RBFOX1: variants seen among roughly 807,000 people sequenced by gnomAD.
RBFOX1 encodes the protein RNA binding fox-1 homolog 1.
RBFOX1 carries 8 observed loss-of-function variants against 57.7 expected under a neutral mutation model. The ratio of observed to expected loss-of-function variants is 0.14; its 90% CI spans 0.08 to 0.25. RBFOX1 has a LOEUF of 0.25. RBFOX1 is among the 10% of genes least tolerant of loss of function. The pLI, the probability that RBFOX1 is intolerant of heterozygous loss-of-function variation, is 1.00. For synonymous variants in RBFOX1, 326 were observed against 222.4 expected (o/e 1.47, Z -4.15); for missense variants, 611 against 548.5 (o/e 1.11, Z -1.14).
At chr16:6,847,856 G>C (rs188786354) in intron 3 of RBFOX1, among the ~76,000 whole-genome samples, 14 of 152,038 alleles carry the variant, frequency 9.2e-5, no homozygotes, top group African/African-American at 3.4e-4. Context: ...GGTTGTTGTT[G>C]AAATGGAGTC....
intron 3 of RBFOX1, among the ~76,000 whole-genome samples, chr16:5,628,064 A>G (rs1596505439): frequency 6.6e-6 from 1 of 152,338 alleles, no homozygotes; most frequent in East Asian, 1.9e-4. Context: ...GTAAAGTAGT[A>G]TAAGGGTGAT....
chr16:7,190,246 C>G (rs1278279131), intron 4 of RBFOX1, among the ~76,000 whole-genome samples: 4 of 152,166 alleles, frequency 2.6e-5, no homozygotes, highest in African/African-American at 7.2e-5. Context: ...GTAATCCCAG[C>G]GACTCGGGAG....
intron 3 of RBFOX1, among the ~76,000 whole-genome samples, chr16:6,741,943 A>G (rs2072291372): frequency 6.6e-6 from 1 of 152,190 alleles, no homozygotes; most frequent in Admixed American, 6.5e-5. Flanking sequence ...GTAGTTAATA[A>G]TTCTGTATTA....
chr16:5,472,011 G>A (rs141739361), intron 2 of RBFOX1, among the ~76,000 whole-genome samples: 6 of 152,228 alleles, frequency 3.9e-5, no homozygotes, highest in African/African-American at 7.2e-5. Context: ...TTCAGATTGC[G>A]GTGGATTTAT....
At chr16:7,691,369 CAA>C (rs57950781) in intron 14 of RBFOX1, among the ~76,000 whole-genome samples, 1 of 111,666 alleles carries the variant, frequency 9.0e-6, no homozygotes. Context: ...CATAGGTTTT[CAA>C]AAAAAAAAAG....
chr16:6,838,742 T>C (rs2093284324), intron 3 of RBFOX1, among the ~76,000 whole-genome samples: 1 of 152,180 alleles, frequency 6.6e-6, no homozygotes, highest in Non-Finnish European at 1.5e-5. Context: ...TACATTTGCT[T>C]AGCATCCTCC....
chr16:7,348,803 G>A (rs546157078), intron 4 of RBFOX1, among the ~76,000 whole-genome samples: 1 of 152,212 alleles, frequency 6.6e-6, no homozygotes, highest in East Asian at 1.9e-4. Flanking sequence ...TTAGCCAGGG[G>A]TGGTGGCACG....
At chr16:6,496,938 C>T (rs964437163) in intron 2 of RBFOX1, among the ~76,000 whole-genome samples, 22 of 152,046 alleles carry the variant, frequency 1.4e-4, no homozygotes, top group African/African-American at 5.1e-4. Flanking sequence ...CCAGCCTGGG[C>T]AACAAGAGAG....
chr16:5,856,036 G>A lies in RBFOX1; in HGVS notation c.319-11267G>A, dbSNP rs1490166396. Reference sequence around the variant, plus strand: ...GATTACTTTCCTAATTTTCTTTCCAGTAGTTCATTCTTTGTGTATAGAAAT... The same window carrying A: ...GATTACTTTCCTAATTTTCTTTCCAATAGTTCATTCTTTGTGTATAGAAAT... On this transcript the variant is annotated intron_variant, in intron 3 of 19. Transcript: ENST00000641259. Among the ~76,000 whole-genome samples the A allele has an allele frequency of 3.3e-5, 4 of 120,580 alleles. No individual in the cohort carries two copies. In the East Asian group the frequency reaches 7.3e-4, roughly 22 times the overall value. 79.1% of individuals were successfully genotyped at this position (120,580 alleles called of 152,430 possible).
intron 4 of RBFOX1, among the ~76,000 whole-genome samples, chr16:7,143,024 T>A (rs2074176409): frequency 6.6e-6 from 1 of 151,878 alleles, no homozygotes; most frequent in Admixed American, 6.6e-5. Context: ...TTAGGAGAGG[T>A]AAAATTTGTC....
intron 3 of RBFOX1, among the ~76,000 whole-genome samples, chr16:5,676,629 A>G (rs2050177174): frequency 6.6e-6 from 1 of 152,168 alleles, no homozygotes; most frequent in South Asian, 2.1e-4. Context: ...GGGAGGCTGA[A>G]GCAGGAAGAT....
chr16:7,283,388 C>A (rs1480946802), intron 4 of RBFOX1, among the ~76,000 whole-genome samples: 1 of 152,024 alleles, frequency 6.6e-6, no homozygotes, highest in African/African-American at 2.4e-5. Context: ...GGATCAGTGT[C>A]CACCATGAGT....
intron 3 of RBFOX1, among the ~76,000 whole-genome samples, chr16:6,878,450 C>T (rs906192501): frequency 5.3e-5 from 8 of 152,284 alleles, no homozygotes; most frequent in Non-Finnish European, 1.0e-4. Flanking sequence ...TGAGAAGCAA[C>T]ACCACCCTGT....
chr16:7,657,302 CT>C lies in RBFOX1; in HGVS notation c.890+3359del, dbSNP rs71394333. Among the ~76,000 whole-genome samples the C allele has an allele frequency of 7.2e-5, 11 of 152,260 alleles. No homozygotes were observed. The South Asian group carries it at 2.3e-3, about 32-fold the overall frequency. On this transcript the variant is annotated intron_variant, in intron 12 of 15. Coordinates refer to ENST00000550418, the MANE Select transcript of RBFOX1 (RefSeq NM_018723.4). Reference sequence around the variant, plus strand: ...AGGATGCCCTACATTCATCCATTTCCTTTTAAAAAAAATTTTTTTTGAGACG... The same window carrying C: ...AGGATGCCCTACATTCATCCATTTCCTTTAAAAAAAATTTTTTTTGAGACG...
intron 2 of RBFOX1, among the ~76,000 whole-genome samples, chr16:6,484,700 C>T (rs1489853639): frequency 6.6e-6 from 1 of 152,066 alleles, no homozygotes. Context: ...AAAAGAGCTG[C>T]GTTTTCCACC....
intron 3 of RBFOX1, among the ~76,000 whole-genome samples, chr16:5,778,097 C>T (rs951633421): frequency 3.3e-5 from 5 of 152,110 alleles, no homozygotes; most frequent in Admixed American, 2.0e-4. Flanking sequence ...ATCCTCATTC[C>T]AGCTTTGTAC....
intron 4 of RBFOX1, among the ~76,000 whole-genome samples, chr16:7,253,717 C>G (rs1218204419): frequency 1.3e-5 from 2 of 152,178 alleles, no homozygotes; most frequent in African/African-American, 2.4e-5. Context: ...TCCATCACCA[C>G]ATAGTATTCT....
At chr16:6,977,332 A>G (rs934583856) in intron 3 of RBFOX1, among the ~76,000 whole-genome samples, 1 of 151,948 alleles carries the variant, frequency 6.6e-6, no homozygotes, top group Admixed American at 6.6e-5. Flanking sequence ...TGATATTATG[A>G]TCTTTGAAGC....
chr16:7,358,191 C>T (rs2146410210), intron 4 of RBFOX1, among the ~76,000 whole-genome samples: 1 of 152,308 alleles, frequency 6.6e-6, no homozygotes, highest in East Asian at 1.9e-4. Flanking sequence ...CAGAAGCTGT[C>T]CTGAGAGGGT....
Sources: gnomAD v4.1 joint callset for allele counts (sites outside exome capture counted in the v4.1 genomes callset) on GRCh38, gnomAD v4.1.1 for gene constraint, MANE v1.5 for transcripts, NCBI Gene and HGNC (gene_info 2026-07-23, HGNC 2026-07-21) for gene names.